Variants in RASEF observed in about 807,000 individuals in gnomAD.
RASEF encodes the protein ras and EF-hand domain-containing protein.
A neutral mutation model predicts 90.1 loss-of-function variants in RASEF; 68 were observed. That is an observed-to-expected ratio of 0.75 (90% CI 0.62 to 0.92). The LOEUF (loss-of-function observed/expected upper bound fraction) is 0.92, where lower values mean the gene tolerates loss of function less well. Ranked by LOEUF, RASEF falls within the 40% of genes least tolerant of loss-of-function variation. The pLI, the probability that RASEF is intolerant of heterozygous loss-of-function variation, is 0.00. For missense variants in RASEF, 949 were observed against 937.2 expected (o/e 1.01, Z -0.16); for synonymous variants, 331 against 345.2 (o/e 0.96, Z 0.46).
the RASEF span, among the ~76,000 whole-genome samples, chr9:83,076,439 A>G: frequency 6.6e-6 from 1 of 152,132 alleles, no homozygotes; most frequent in Non-Finnish European, 1.5e-5. Context: ...AAGAAAAAAA[A>G]AAAGGTCACA....
the RASEF span, among the ~76,000 whole-genome samples, chr9:83,087,143 T>C: frequency 2.6e-5 from 4 of 152,186 alleles, no homozygotes; most frequent in Non-Finnish European, 4.4e-5. Context: ...AGGGTGGGGA[T>C]TGCAATAGAA....
intron 3 of RASEF, among the ~76,000 whole-genome samples, chr9:83,018,593 T>C (rs1829386893): frequency 6.6e-6 from 1 of 152,076 alleles, no homozygotes; most frequent in Non-Finnish European, 1.5e-5. Context: ...ATTGAAAGGC[T>C]GATTCTTTGA....
At chr9:83,093,589 G>T in the RASEF span, among the ~76,000 whole-genome samples, 3 of 152,206 alleles carry the variant, frequency 2.0e-5, no homozygotes, top group Admixed American at 2.0e-4. Context: ...CGAGCCGGTC[G>T]GCTGCTCCGA....
chr9:83,085,558 C>T, the RASEF span, among the ~76,000 whole-genome samples: 968 of 152,166 alleles, frequency 6.4e-3, 12 homozygotes, highest in African/African-American at 0.022. Flanking sequence ...TCACTTGAAC[C>T]TGAAGATTGA....
At chr9:83,068,171 C>T (rs765864721), upstream of RASEF, among the ~76,000 whole-genome samples, 8 of 152,208 alleles carry the variant, frequency 5.3e-5, no homozygotes, top group Non-Finnish European at 8.8e-5. Flanking sequence ...CATACCTGGT[C>T]GCTGTTTCAT....
At chr9:83,024,956 C>T (rs1002479906) in intron 2 of RASEF, among the ~76,000 whole-genome samples, 1 of 152,080 alleles carries the variant, frequency 6.6e-6, no homozygotes, top group Non-Finnish European at 1.5e-5. Flanking sequence ...GTGGAGCACA[C>T]GACAGCAAGG....
At chr9:83,191,926 G>T in the RASEF span, among the ~76,000 whole-genome samples, 1 of 152,062 alleles carries the variant, frequency 6.6e-6, no homozygotes, top group African/African-American at 2.4e-5. Context: ...TAGATATGTG[G>T]CCAAGAAGCA....
At chr9:83,027,461 CA>C (rs1244779776) in intron 1 of RASEF, among the ~76,000 whole-genome samples, 1 of 152,198 alleles carries the variant, frequency 6.6e-6, no homozygotes, top group African/African-American at 2.4e-5. Flanking sequence ...ATACAAAAGA[CA>C]CTCATCATTC....
chr9:83,035,280 A>G (rs978938880), intron 1 of RASEF, among the ~76,000 whole-genome samples: 5 of 152,222 alleles, frequency 3.3e-5, no homozygotes, highest in African/African-American at 9.6e-5. Flanking sequence ...AGCAGCCTAG[A>G]CAATGCATAA....
intron 1 of RASEF, among the ~76,000 whole-genome samples, chr9:83,041,205 C>T (rs1319934956): frequency 6.6e-6 from 1 of 152,202 alleles, no homozygotes; most frequent in Admixed American, 6.5e-5. Flanking sequence ...CATTAGTTTT[C>T]TATGACAGTT....
At chr9:83,042,744 A>G (rs1174898265) in intron 1 of RASEF, among the ~76,000 whole-genome samples, 2 of 152,218 alleles carry the variant, frequency 1.3e-5, no homozygotes, top group African/African-American at 4.8e-5. Context: ...TCAGAAAAAA[A>G]AAGAAAAACA....
At chr9:83,139,016 G>T in the RASEF span, among the ~76,000 whole-genome samples, 1 of 152,172 alleles carries the variant, frequency 6.6e-6, no homozygotes, top group Non-Finnish European at 1.5e-5. Context: ...AAAACATCAG[G>T]CTCTCTGTAA....
intron 6 of RASEF, among the ~76,000 whole-genome samples, chr9:83,007,838 C>T (rs541216241): frequency 2.6e-5 from 4 of 152,306 alleles, no homozygotes; most frequent in Admixed American, 1.3e-4. Flanking sequence ...CTGTTCTCCA[C>T]GAGGGCTGAA....
the RASEF span, among the ~76,000 whole-genome samples, chr9:83,148,548 C>G: frequency 6.6e-6 from 1 of 152,122 alleles, no homozygotes; most frequent in Non-Finnish European, 1.5e-5. Flanking sequence ...CCTCTCACAG[C>G]CCTCAGAAGG....
chr9:82,984,363 T>C (rs1331197340), intron 16 of RASEF, among the ~76,000 whole-genome samples: 1 of 152,186 alleles, frequency 6.6e-6, no homozygotes, highest in Non-Finnish European at 1.5e-5. Flanking sequence ...GAGTGGCTAG[T>C]GGCTACCAAA....
rs145748722 is a variant in RASEF, at chr9:82,989,107, T to A, written c.2117+1284A>T. 6.2e-4 allele frequency among the ~76,000 whole-genome samples: 95 copies of A among 152,302 alleles called. 1 individual carries two copies. In the East Asian group the frequency reaches 0.014, roughly 23 times the overall value. On this transcript the variant is annotated intron_variant, in intron 16 of 16. Transcript: ENST00000376447. ...AAGTCCATTTCCTGATTCTCTTAAG[T>A]GAGGGCAACAGTTTATCCTGTAGCC...
chr9:82,982,589 G>A lies in RASEF; in HGVS notation c.*88C>T. ...AACTCTCCATAGGACAGTGTCAGTA[G>A]GATGTGCCACTCTGTTAAGAGCCAA... On this transcript the variant is annotated 3_prime_UTR_variant, in exon 17 of 17. Coordinates refer to ENST00000376447, the MANE Select transcript of RASEF (RefSeq NM_152573.4). 1 of 779,746 alleles carries A rather than the reference G, an allele frequency of 1.3e-6. No individual in the cohort carries two copies. Among genetic ancestry groups the A allele is most frequent in the South Asian group, 1.4e-5 (1 of 70,202 alleles). The allele number at this position is 779,746 out of a possible 1,614,324, so 48.3% of individuals were successfully genotyped here. A position where few individuals can be genotyped will look rare whatever the true frequency, so the allele number is the denominator to read the frequency against.
chr9:83,198,384 T>C, the RASEF span, among the ~76,000 whole-genome samples: 1 of 149,782 alleles, frequency 6.7e-6, no homozygotes, highest in Non-Finnish European at 1.5e-5. Flanking sequence ...TTGTCCCCTT[T>C]AACATGCATA....
At chr9:83,057,830 C>CATATATTCATATATACATATATATATAT (rs1830127337) in intron 1 of RASEF, among the ~76,000 whole-genome samples, 3 of 116,848 alleles carry the variant, frequency 2.6e-5, no homozygotes, top group African/African-American at 3.5e-5. Context: ...TTCATATATA[C>CATATATTCATATATACATATATATATAT]ATATATTCAT....
Sources: allele counts gnomAD v4.1 joint callset (sites outside exome capture counted in the v4.1 genomes callset), GRCh38; gene constraint gnomAD v4.1.1; transcripts MANE v1.5; gene names NCBI Gene and HGNC (gene_info 2026-07-23, HGNC 2026-07-21).